The following MCMDC2 variants were observed in gnomAD, a reference collection of about 807,000 sequenced individuals.
The protein encoded by MCMDC2 is minichromosome maintenance domain-containing protein 2.
In MCMDC2, 54 loss-of-function variants were observed where a neutral mutation model predicts 75.8. The ratio of observed to expected loss-of-function variants is 0.71; its 90% CI spans 0.57 to 0.89. MCMDC2 has a LOEUF of 0.89. MCMDC2 is among the 40% of genes least tolerant of loss of function. The pLI, the probability that MCMDC2 is intolerant of heterozygous loss-of-function variation, is 0.00. For synonymous variants in MCMDC2, 249 were observed against 274.6 expected, an observed-to-expected ratio of 0.91 and a Z score of 0.92; for missense variants, 656 against 780.4, an observed-to-expected ratio of 0.84 and a Z score of 1.90.
At chr8:66,900,060 A>G (rs1008958145) in intron 12 of MCMDC2, among the ~76,000 whole-genome samples, 1 of 150,900 alleles carries the variant, frequency 6.6e-6, no homozygotes, top group African/African-American at 2.4e-5. Flanking sequence ...CACTTGAACC[A>G]GGAGGCAGAG....
chr8:66,886,251 G>T (rs1374559144), intron 9 of MCMDC2, among the ~76,000 whole-genome samples: 1 of 146,442 alleles, frequency 6.8e-6, no homozygotes, highest in Non-Finnish European at 1.5e-5. Context: ...TGCAACCTCC[G>T]CCTCCTGTGT....
intron 10 of MCMDC2, among the ~76,000 whole-genome samples, chr8:66,895,600 C>T (rs867075980): frequency 6.6e-6 from 1 of 151,840 alleles, no homozygotes; most frequent in African/African-American, 2.4e-5. Flanking sequence ...GGTCTTGCCA[C>T]GTTGCCCAGG....
At chr8:66,889,739 GA>G (rs1812011653) in intron 9 of MCMDC2, among the ~76,000 whole-genome samples, 1 of 152,112 alleles carries the variant, frequency 6.6e-6, no homozygotes, top group South Asian at 2.1e-4. Context: ...GTGGAGGTTG[GA>G]AGCTGAGATT....
downstream of MCMDC2, among the ~76,000 whole-genome samples, chr8:66,923,960 G>A (rs914891745): frequency 2.0e-5 from 3 of 151,802 alleles, no homozygotes; most frequent in Non-Finnish European, 2.9e-5. Context: ...AAAGACTGAT[G>A]GGCACAAAAT....
rs773167501 is a variant in MCMDC2 at position 66,919,851 on chromosome 8, A to G, written c.*682A>G. On this transcript the variant is annotated 3_prime_UTR_variant, in exon 15 of 15. Coordinates refer to ENST00000422365, the MANE Select transcript of MCMDC2 (RefSeq NM_173518.5). ...CTCTAACCCTAACTGGTTACAAGAA[A>G]GGCTCCAAAAGGCAAAGAAACCAAC... The G allele has an allele frequency of 6.6e-6, 1 of 152,232 alleles. No homozygotes were observed. The highest frequency in any genetic ancestry group is 1.5e-5 in the Non-Finnish European group (1 of 68,040). The allele number at this position is 152,232 out of a possible 1,614,324, so 9.4% of individuals were successfully genotyped here.
chr8:66,895,379 CCTT>C (rs1055991643), intron 10 of MCMDC2, among the ~76,000 whole-genome samples: 7 of 151,254 alleles, frequency 4.6e-5, no homozygotes, highest in South Asian at 2.1e-4. Context: ...CTTCCTTCTT[CCTT>C]CTTCTTCTTC....
rs79944926 is a variant in MCMDC2, at chr8:66,874,398, C to T, written c.167C>T (p.Ala56Val). The T allele has an allele frequency of 0.072, 116,681 of 1,613,638 alleles. 4,809 individuals carry two copies. Among genetic ancestry groups the T allele is most frequent in the Non-Finnish European group, 0.081 (95,466 of 1,179,806 alleles). The change falls in exon 3 of 15, where the codon GCT becomes GTT. Residue 56 changes from alanine (A) to valine (V), a missense_variant. By Grantham distance (64) the Ala-to-Val change is moderately conservative. Coordinates refer to ENST00000422365, the MANE Select transcript of MCMDC2 (RefSeq NM_173518.5). Reference sequence around the variant, plus strand: ...CCCTCTGATGTTGTTGAATTAGATGCTGAGCTTGGAAATCACATTTTACAC... The same window carrying T: ...CCCTCTGATGTTGTTGAATTAGATGTTGAGCTTGGAAATCACATTTTACAC... ...INPSDVVELD[A>V]ELGNHILHQP...
chr8:66,890,972 G>C lies in MCMDC2; in HGVS notation c.1181G>C (p.Ser394Thr), dbSNP rs1182040730. The change falls in exon 10 of 15, where the codon AGC becomes ACC. Residue 394 changes from serine (S) to threonine (T), a missense_variant. Coordinates refer to ENST00000422365, the MANE Select transcript of MCMDC2 (RefSeq NM_173518.5). The part of the protein sequence containing the change: ...SRNKYGTGAV[S>T]IQAGSALLAK... ...AATAAGTATGGAACTGGAGCAGTTA[G>C]CATTCAGGCTGGCAGTGCTTTGCTA... The C allele has an allele frequency of 6.2e-7, 1 of 1,612,530 alleles. No homozygotes were observed. Among genetic ancestry groups the C allele is most frequent in the Non-Finnish European group, 8.5e-7 (1 of 1,179,706 alleles).
chr8:66,896,749 T>C (rs758002034), intron 11 of MCMDC2, 31 bp from the exon 12 acceptor site: 29 of 1,512,182 alleles, frequency 1.9e-5, no homozygotes, highest in Non-Finnish European at 2.5e-5. Flanking sequence ...CAAAGTTTAA[T>C]GTTTGCCTGT....
At chr8:66,895,343 C>T (rs922397194) in intron 10 of MCMDC2, among the ~76,000 whole-genome samples, 10 of 151,844 alleles carry the variant, frequency 6.6e-5, no homozygotes, top group Admixed American at 4.6e-4. Context: ...CGCAATGGCC[C>T]TGGCCTCTTT....
At chr8:66,890,433 A>AT (rs1267872648) in intron 9 of MCMDC2, among the ~76,000 whole-genome samples, 1 of 151,602 alleles carries the variant, frequency 6.6e-6, no homozygotes, top group East Asian at 1.9e-4. Flanking sequence ...GGATGAAGAC[A>AT]TTTTTTAGTA....
chr8:66,913,192 T>G (rs1385902816), intron 14 of MCMDC2, among the ~76,000 whole-genome samples: 1 of 152,232 alleles, frequency 6.6e-6, no homozygotes, highest in Non-Finnish European at 1.5e-5. Flanking sequence ...TTTAGCATTT[T>G]TTAGCAATAA....
intron 14 of MCMDC2, among the ~76,000 whole-genome samples, chr8:66,917,002 A>G (rs1473725099): frequency 1.3e-5 from 2 of 152,100 alleles, no homozygotes; most frequent in Non-Finnish European, 2.9e-5. Flanking sequence ...ATAGAAGGAG[A>G]AGGATAGTAA....
chr8:66,912,019 T>C (rs998381673), intron 14 of MCMDC2, among the ~76,000 whole-genome samples: 1 of 152,204 alleles, frequency 6.6e-6, no homozygotes, highest in African/African-American at 2.4e-5. Context: ...ATTTCTTAAG[T>C]CCATCACTGT....
At chr8:66,897,817 G>T (rs908789135) in intron 12 of MCMDC2, among the ~76,000 whole-genome samples, 1 of 152,100 alleles carries the variant, frequency 6.6e-6, no homozygotes, top group Non-Finnish European at 1.5e-5. Flanking sequence ...GCTATTAAAG[G>T]TACTCACATA....
chr8:66,895,814 GCTTT>G (rs1245076481), intron 10 of MCMDC2, among the ~76,000 whole-genome samples: 4 of 152,188 alleles, frequency 2.6e-5, no homozygotes, highest in African/African-American at 9.6e-5. Flanking sequence ...TGGATGGCCT[GCTTT>G]CTATCATTTT....
chr8:66,886,604 C>G (rs949837045), intron 9 of MCMDC2, among the ~76,000 whole-genome samples: 2 of 152,050 alleles, frequency 1.3e-5, no homozygotes, highest in Non-Finnish European at 2.9e-5. Context: ...GAAACCCCAT[C>G]TCTAATAAAA....
chr8:66,886,972 CTA>C (rs938135422), intron 9 of MCMDC2, among the ~76,000 whole-genome samples: 2 of 152,048 alleles, frequency 1.3e-5, no homozygotes, highest in Non-Finnish European at 2.9e-5. Flanking sequence ...TCCGAGGTGA[CTA>C]TTGATTTGAA....
At chr8:66,905,087 G>T in intron 13 of MCMDC2, 139 bp from the exon 14 acceptor site, 2 of 595,884 alleles carry the variant, frequency 3.4e-6, no homozygotes, top group Non-Finnish European at 4.8e-6. Context: ...CCTTTGAAAA[G>T]AAACTAAAAA....
Sources: gnomAD v4.1 joint callset for allele counts (sites outside exome capture counted in the v4.1 genomes callset) on GRCh38, gnomAD v4.1.1 for gene constraint, MANE v1.5 for transcripts, NCBI Gene and HGNC (gene_info 2026-07-23, HGNC 2026-07-21) for gene names.